The following CCNB1IP1 variants were observed in gnomAD, a reference collection of about 807,000 sequenced individuals.
CCNB1IP1 encodes the protein E3 ubiquitin-protein ligase CCNB1IP1.
CCNB1IP1 carries 14 observed loss-of-function variants against 25.6 expected under a neutral mutation model. The observed-to-expected ratio is 0.55, with a 90% CI of 0.36 to 0.85. The LOEUF is 0.85. Ranked by LOEUF, CCNB1IP1 falls within the 40% of genes least tolerant of loss-of-function variation. CCNB1IP1 has a pLI of 0.01. For missense variants in CCNB1IP1, 278 were observed against 342.4 expected (o/e 0.81, Z 1.48); for synonymous variants, 119 against 116.1 (o/e 1.02, Z -0.16).
rs1882702866 is a variant in CCNB1IP1, at chr14:20,316,535, G to A, written c.-12C>T. 3 of 1,593,290 alleles carry A rather than the reference G, an allele frequency of 1.9e-6. No homozygotes were observed. Among genetic ancestry groups the A allele is most frequent in the Non-Finnish European group, 2.6e-6 (3 of 1,171,012 alleles). On this transcript the variant is annotated 5_prime_UTR_variant, in exon 5 of 7. Transcript: ENST00000358932. ...TCACACAAAGACATAATAGGATAGT[G>A]AGGTCTCCAGAAGCTGAAGAGAGGC... is the stretch of plus-strand genomic sequence containing the variant.
At chr14:20,324,739 G>A (rs1488471275) in intron 4 of CCNB1IP1, among the ~76,000 whole-genome samples, 1 of 152,100 alleles carries the variant, frequency 6.6e-6, no homozygotes, top group Non-Finnish European at 1.5e-5. Context: ...TGCATAACTG[G>A]TGAAGTGATA....
At chr14:20,312,876 A>G (rs1882545335) in intron 6 of CCNB1IP1, among the ~76,000 whole-genome samples, 1 of 152,132 alleles carries the variant, frequency 6.6e-6, no homozygotes, top group Non-Finnish European at 1.5e-5. Context: ...ATATTTGATA[A>G]ATGGAAAAAT....
chr14:20,325,239 G>A (rs1458822957), intron 4 of CCNB1IP1, among the ~76,000 whole-genome samples: 12 of 150,904 alleles, frequency 8.0e-5, no homozygotes, highest in Admixed American at 7.9e-4. Context: ...GGCTAAAACG[G>A]TGAAACCCCG....
intron 5 of CCNB1IP1, chr14:20,315,835 G>A: frequency 1.9e-6 from 2 of 1,045,890 alleles, no homozygotes; most frequent in Non-Finnish European, 1.3e-6. Context: ...CTTGAACCCA[G>A]GAGTTAGAGA....
chr14:20,311,868 C>A, intron 6 of CCNB1IP1, 116 bp from the exon 7 acceptor site: 1 of 585,360 alleles, frequency 1.7e-6, no homozygotes, highest in Non-Finnish European at 2.7e-6. Context: ...CAATATTTGT[C>A]TTAGAAAAAA....
rs1555314509 is a variant in CCNB1IP1, at chr14:20,332,005, CATATAT to C, written c.-431+1243_-431+1248del. 3.0e-3 allele frequency among the ~76,000 whole-genome samples: 202 copies of C among 66,564 alleles called. 4 individuals are homozygous for C. The highest frequency in any genetic ancestry group is 0.02 in the Middle Eastern group (2 of 98). 43.7% of individuals were successfully genotyped at this position (66,564 alleles called of 152,430 possible). A position where few individuals can be genotyped will look rare whatever the true frequency, so the allele number is the denominator to read the frequency against. On this transcript the variant is annotated intron_variant, in intron 1 of 6. Transcript: ENST00000358932. ...AATATATATATATATGATGTGTATACATATATATATATATATATATATTTTTTTTTT... is the reference window on the plus strand; with the variant it reads ...AATATATATATATATGATGTGTATACATATATATATATATATTTTTTTTTT...
chr14:20,317,995 C>T (rs1594277524), intron 4 of CCNB1IP1: 5 of 152,326 alleles, frequency 3.3e-5, no homozygotes, highest in African/African-American at 9.6e-5. Context: ...GGAGAAATTC[C>T]CAGAAACAGA....
chr14:20,316,615 G>A (rs1380055623), intron 4 of CCNB1IP1, 55 bp from the exon 5 acceptor site: 2 of 992,716 alleles, frequency 2.0e-6, no homozygotes, highest in South Asian at 1.7e-5. Flanking sequence ...GAAAATAAAA[G>A]TAAAAAAGAA....
intron 4 of CCNB1IP1, among the ~76,000 whole-genome samples, chr14:20,316,831 G>C (rs1004003014): frequency 2.6e-5 from 4 of 152,222 alleles, no homozygotes; most frequent in Non-Finnish European, 5.9e-5. Context: ...ACGTGGGCCA[G>C]GCTCAGTGGC....
intron 4 of CCNB1IP1, among the ~76,000 whole-genome samples, chr14:20,321,136 CAAA>C (rs11357993): frequency 2.2e-5 from 3 of 138,158 alleles, no homozygotes; most frequent in African/African-American, 2.6e-5. Context: ...AACTCCGTCT[CAAA>C]AAAAAAAAAA....
chr14:20,320,298 G>C, intron 4 of CCNB1IP1: 1 of 455,880 alleles, frequency 2.2e-6, no homozygotes, highest in Non-Finnish European at 4.4e-6. Context: ...AATAAGAGTT[G>C]TGAAGGCCAG....
intron 2 of CCNB1IP1, among the ~76,000 whole-genome samples, chr14:20,327,471 T>C (rs1210378245): frequency 6.6e-6 from 1 of 151,218 alleles, no homozygotes; most frequent in African/African-American, 2.4e-5. Flanking sequence ...AAGATGGCAG[T>C]GTAAGAAAGA....
chr14:20,314,865 G>T lies in CCNB1IP1; in HGVS notation c.298-1064C>A, dbSNP rs547023920. ...CCAGCACTTTGGGAGGCAGAGGTGG[G>T]CGGATCATGAGGTCAGGAGATCGAG... is the stretch of plus-strand genomic sequence containing the variant. On this transcript the variant is annotated intron_variant, in intron 5 of 6. Coordinates refer to ENST00000358932, the MANE Select transcript of CCNB1IP1 (RefSeq NM_021178.5). 3.0e-4 allele frequency among the ~76,000 whole-genome samples: 45 copies of T among 151,900 alleles called. 1 individual carries two copies. In the East Asian group the frequency reaches 7.7e-3, roughly 26 times the overall value.
intron 1 of CCNB1IP1, among the ~76,000 whole-genome samples, chr14:20,331,206 A>G (rs536910705): frequency 3.9e-5 from 6 of 152,236 alleles, no homozygotes; most frequent in African/African-American, 1.4e-4. Context: ...TCCAGCACAC[A>G]TTTTCTAAGT....
Position 20,316,485 on chromosome 14 carries a change from T to C in CCNB1IP1, c.39A>G (p.Arg13=). 2.5e-6 allele frequency: 4 copies of C among 1,611,742 alleles called. No individual in the cohort carries two copies. Among genetic ancestry groups the C allele is most frequent in the Non-Finnish European group, 3.4e-6 (4 of 1,179,954 alleles). ...LCEDMLLCNY[R]KCRIKLSGYA... ...AGCCAGAGAGTTTGATGCGACACTT[T>C]CGATAATTACAAAGCAGCATGTCTT... Residue 13 remains arginine (R), a synonymous_variant, in exon 5 of 7, where the codon CGA becomes CGG. Transcript: ENST00000358932.
intron 5 of CCNB1IP1, 65 bp from the exon 6 acceptor site, chr14:20,313,866 T>C: frequency 1.6e-6 from 2 of 1,225,132 alleles, no homozygotes; most frequent in Non-Finnish European, 2.2e-6. Flanking sequence ...TAAAATGTTA[T>C]ACAAACACAA....
intron 3 of CCNB1IP1, among the ~76,000 whole-genome samples, chr14:20,325,934 C>A (rs1234954059): frequency 6.6e-6 from 1 of 152,010 alleles, no homozygotes; most frequent in Non-Finnish European, 1.5e-5. Flanking sequence ...TATATATGTC[C>A]TTTCAGTTTT....
At chr14:20,318,150 A>G (rs1479501796) in intron 4 of CCNB1IP1, 2 of 152,242 alleles carry the variant, frequency 1.3e-5, no homozygotes, top group Middle Eastern at 3.2e-3. Flanking sequence ...TTGAGTCTGC[A>G]TTACAAACAT....
Position 20,320,490 on chromosome 14 carries a change from C to A in CCNB1IP1, c.-37-3930G>T, listed in dbSNP as rs1487600345. On this transcript the variant is annotated intron_variant, in intron 4 of 6. Coordinates refer to ENST00000358932, the MANE Select transcript of CCNB1IP1 (RefSeq NM_021178.5). Reference sequence around the variant, plus strand: ...AATGATATTTCATCATATTTATTGGCTATAAAAAAACAAGGCAACCAACCA... The same window carrying A: ...AATGATATTTCATCATATTTATTGGATATAAAAAAACAAGGCAACCAACCA... 1.0e-5 allele frequency: 3 copies of A among 300,992 alleles called. No homozygotes were observed. The Admixed American group carries it at 1.3e-4, about 13-fold the overall frequency. 18.6% of individuals were successfully genotyped at this position (300,992 alleles called of 1,614,324 possible).
Sources: allele counts gnomAD v4.1 joint callset (sites outside exome capture counted in the v4.1 genomes callset), GRCh38; gene constraint gnomAD v4.1.1; transcripts MANE v1.5; gene names NCBI Gene and HGNC (gene_info 2026-07-23, HGNC 2026-07-21).